The following PRDM15 variants were observed in gnomAD, a reference collection of about 807,000 sequenced individuals.
The protein encoded by PRDM15 is PR/SET domain 15.
PRDM15 carries 64 observed loss-of-function variants against 128.6 expected under a neutral mutation model. The observed-to-expected ratio is 0.50, with a 90% confidence interval of 0.41 to 0.61. PRDM15 has a LOEUF of 0.61. Ranked by LOEUF, PRDM15 falls within the 20% of genes least tolerant of loss-of-function variation. PRDM15 has a pLI of 0.00. For synonymous variants in PRDM15, 615 were observed against 621.8 expected (o/e 0.99, Z 0.16); for missense variants, 1,242 against 1,569.1 (o/e 0.79, Z 3.52).
At position 41,828,250 on chromosome 21, in the gene PRDM15, C is replaced by T. The variant is rs768845948; in HGVS notation, c.1450G>A (p.Asp484Asn). The T allele has an allele frequency of 2.1e-5, 34 of 1,614,028 alleles. No homozygotes were observed. The highest frequency in any genetic ancestry group is 2.8e-5 in the Non-Finnish European group (33 of 1,179,970). ...NLSKHKKKHG[D>N]KKFACEVCSK... ...CAGACCTCACAGGCAAACTTCTTGTCGCCGTGCTTCTTCTTGTGCTTGGAG... is the reference window on the plus strand; with the variant it reads ...CAGACCTCACAGGCAAACTTCTTGTTGCCGTGCTTCTTCTTGTGCTTGGAG... Residue 484 changes from aspartate (D) to asparagine (N), a missense_variant, in exon 12 of 24, where the codon GAC (aspartate) becomes AAC (asparagine). Around this residue, in one of 3 missense-constraint regions of PRDM15, gnomAD observed 612 missense variants for 717.0 expected, o/e 0.85. Transcript: ENST00000398548. This position sits in a 1 kb window ranked among gnomAD's most constrained non-coding sequence, Gnocchi z 5.7.
intron 18 of PRDM15, among the ~76,000 whole-genome samples, chr21:41,818,277 T>C (rs2062122681): frequency 6.6e-6 from 1 of 152,144 alleles, no homozygotes; most frequent in South Asian, 2.1e-4. Context: ...GACATTCTGT[T>C]CAGAGAAACC....
intron 1 of PRDM15, among the ~76,000 whole-genome samples, chr21:41,876,319 A>G (rs870432): frequency 0.28 from 43,048 of 152,114 alleles, 6,284 homozygotes; most frequent in East Asian, 0.33. Flanking sequence ...CTCTGTCCCT[A>G]TTCCTCTTTC....
intron 22 of PRDM15, among the ~76,000 whole-genome samples, chr21:41,803,515 C>T (rs2061473338): frequency 6.6e-6 from 1 of 152,192 alleles, no homozygotes; most frequent in South Asian, 2.1e-4. Context: ...TCACAGAGGC[C>T]GCGGGGCAGT....
At chr21:41,820,717 C>T (rs990241670) in intron 16 of PRDM15, among the ~76,000 whole-genome samples, 11 of 152,324 alleles carry the variant, frequency 7.2e-5, no homozygotes, top group East Asian at 3.9e-4. Context: ...CTCAGCAGAC[C>T]GCGCAGATTA....
At chr21:41,849,441 C>T (rs1187916485) in intron 5 of PRDM15, among the ~76,000 whole-genome samples, 1 of 151,922 alleles carries the variant, frequency 6.6e-6, no homozygotes. Context: ...TGGTGGCATG[C>T]GCCTGTAATT....
intron 19 of PRDM15, chr21:41,812,451 G>C (rs978132192): frequency 6.6e-6 from 1 of 152,138 alleles, no homozygotes; most frequent in East Asian, 1.9e-4. Context: ...AGCCCGGGGG[G>C]AGGCGTACAG....
chr21:41,876,529 G>A (rs576677767), intron 1 of PRDM15, among the ~76,000 whole-genome samples: 19 of 152,290 alleles, frequency 1.2e-4, no homozygotes, highest in Admixed American at 4.6e-4. Context: ...TGTGGCCCAC[G>A]GGGGAGCCAC....
chr21:41,850,286 C>T (rs999198266), intron 5 of PRDM15, among the ~76,000 whole-genome samples: 4 of 146,626 alleles, frequency 2.7e-5, no homozygotes, highest in African/African-American at 9.8e-5. Context: ...ATGGTGCCCC[C>T]CCACACTTTC....
Position 41,801,272 on chromosome 21 carries a change from C to G in PRDM15, c.3394G>C (p.Glu1132Gln), listed in dbSNP as rs2061407399. 1 of 1,539,852 alleles carries G rather than the reference C, an allele frequency of 6.5e-7. No individual in the cohort carries two copies. Among genetic ancestry groups the G allele is most frequent in the Non-Finnish European group, 8.7e-7 (1 of 1,144,492 alleles). ...QQAAQPQVQA[E>Q]QQQQQMYSY is the part of the protein sequence containing the mutation. Reference sequence around the variant, plus strand: ...CTGTACATCTGCTGCTGCTGCTGCTCCGCCTGCACCTGGGGCTGGGCCGCC... The same window carrying G: ...CTGTACATCTGCTGCTGCTGCTGCTGCGCCTGCACCTGGGGCTGGGCCGCC... Residue 1132 changes from glutamate (E) to glutamine (Q), a missense_variant, in exon 24 of 24, where the codon GAG becomes CAG. By Grantham distance (29) the Glu-to-Gln change is conservative. Coordinates refer to ENST00000398548, the MANE Select transcript of PRDM15 (RefSeq NM_001040424.3).
intron 6 of PRDM15, among the ~76,000 whole-genome samples, chr21:41,846,681 A>G (rs1181375887): frequency 6.6e-6 from 1 of 152,242 alleles, no homozygotes; most frequent in Non-Finnish European, 1.5e-5. Context: ...TGGACAACAG[A>G]GCCAGACCTT....
At position 41,810,901 on chromosome 21, in the gene PRDM15, G is replaced by A. The variant is rs2061842927; in HGVS notation, c.2393-65C>T. 20 of 1,443,596 alleles carry A rather than the reference G, an allele frequency of 1.4e-5. No individual in the cohort carries two copies. Among genetic ancestry groups the A allele is most frequent in the Non-Finnish European group, 1.9e-5 (19 of 1,025,554 alleles). The allele number at this position is 1,443,596 out of a possible 1,614,324, so 89.4% of individuals were successfully genotyped here. Reference sequence around the variant, plus strand: ...GTGTTGTAAGTCCACATCAGGGCATGTCTTCTCCCTGACACGTTCCAGGCA... The same window carrying A: ...GTGTTGTAAGTCCACATCAGGGCATATCTTCTCCCTGACACGTTCCAGGCA... On this transcript the variant is annotated intron_variant, in intron 19 of 23. Coordinates refer to ENST00000398548, the MANE Select transcript of PRDM15 (RefSeq NM_001040424.3). The surrounding 1 kb of genome is among the most constrained non-coding windows in gnomAD (Gnocchi z 6.4).
At chr21:41,824,235 G>A (rs541123170) in intron 13 of PRDM15, among the ~76,000 whole-genome samples, 9 of 152,310 alleles carry the variant, frequency 5.9e-5, no homozygotes, top group East Asian at 5.8e-4. Flanking sequence ...AGAGGATGCC[G>A]GCATCTCCAG....
In PRDM15 at chr21:41,802,884, C is replaced by T. The variant is rs201589551; in HGVS notation, c.2771G>A (p.Gly924Glu). Residue 924 changes from glycine to glutamate, a missense_variant, in exon 23 of 24, where the codon GGG (glycine) becomes GAG (glutamate). Gly to Glu is a moderately conservative substitution (Grantham distance 98). Coordinates refer to ENST00000398548, the MANE Select transcript of PRDM15 (RefSeq NM_001040424.3). ...TCGCTTGGCAGCTTTCCCGTGCTTC[C>T]CTTCGGCCAAATCCTCCTGCTCCAG... ...LTLEQEDLAEGKHGKAAKRSH... is the reference protein window; with the variant it reads ...LTLEQEDLAEEKHGKAAKRSH... 1.9e-5 allele frequency: 30 copies of T among 1,614,118 alleles called. No individual in the cohort carries two copies. The East Asian group carries it at 6.5e-4, about 35-fold the overall frequency.
chr21:41,823,199 G>C (rs1568926706), intron 14 of PRDM15, 119 bp downstream of exon 14: 1 of 1,300,856 alleles, frequency 7.7e-7, no homozygotes, highest in African/African-American at 1.5e-5. Context: ...ACCGTGAGCA[G>C]CACATGTCTG....
chr21:41,866,760 C>A (rs915030690), intron 1 of PRDM15, among the ~76,000 whole-genome samples: 1 of 152,182 alleles, frequency 6.6e-6, no homozygotes, highest in East Asian at 1.9e-4. Flanking sequence ...GGCAGCAGAA[C>A]GAGCACAACG....
rs2061505045 is a variant in PRDM15 at position 41,804,562 on chromosome 21, A to G, written c.2705T>C (p.Ile902Thr). The G allele has an allele frequency of 1.3e-6, 2 of 1,571,620 alleles. No individual in the cohort carries two copies. The highest frequency in any genetic ancestry group is 1.7e-6 in the Non-Finnish European group (2 of 1,158,126). Residue 902 changes from isoleucine (I) to threonine (T), a missense_variant, in exon 22 of 24, where the codon ATC becomes ACC. Ile to Thr is a moderately conservative substitution (Grantham distance 89). This residue lies in a region of PRDM15 where 602 missense variants were observed against 788.3 expected (regional missense o/e 0.76). Transcript: ENST00000398548. Reference sequence around the variant, plus strand: ...GACGATGCCAATGGAGGAGGCGTCGATGGTGGTGGTCTCCGGGAGGTGGTC... The same window carrying G: ...GACGATGCCAATGGAGGAGGCGTCGGTGGTGGTGGTCTCCGGGAGGTGGTC... The part of the protein sequence containing the change: ...DLDHLPETTT[I>T]DASSIGIVQP...
chr21:41,818,723 G>A (rs774852449), intron 18 of PRDM15, among the ~76,000 whole-genome samples: 29 of 152,024 alleles, frequency 1.9e-4, no homozygotes, highest in Admixed American at 5.2e-4. Context: ...GAGCAGGGTC[G>A]CTTGAAACAG....
intron 1 of PRDM15, among the ~76,000 whole-genome samples, chr21:41,864,777 G>A (rs923753658): frequency 2.8e-4 from 42 of 151,968 alleles, no homozygotes; most frequent in Non-Finnish European, 5.0e-4. Flanking sequence ...CAATCACATC[G>A]CTTGCCAGCC....
chr21:41,868,578 G>A (rs2064097021), intron 1 of PRDM15, among the ~76,000 whole-genome samples: 1 of 151,946 alleles, frequency 6.6e-6, no homozygotes, highest in African/African-American at 2.4e-5. Flanking sequence ...CATTTCCCTA[G>A]TGGCTAAAGA....
Sources: gnomAD v4.1 joint callset for allele counts (sites outside exome capture counted in the v4.1 genomes callset) on GRCh38, gnomAD v4.1.1 for gene constraint, gnomAD v4.1.1 regional missense constraint, Gnocchi (gnomAD v3.1) non-coding constraint, MANE v1.5 for transcripts, NCBI Gene and HGNC (gene_info 2026-07-23, HGNC 2026-07-21) for gene names.